The following SYT10 variants were observed in gnomAD, a reference collection of about 807,000 sequenced individuals.
SYT10 encodes the protein synaptotagmin 10.
SYT10 carries 31 observed loss-of-function variants against 51.1 expected under a neutral mutation model. The ratio of observed to expected loss-of-function variants is 0.61; its 90% CI spans 0.46 to 0.82. The LOEUF (loss-of-function observed/expected upper bound fraction) is 0.82, where lower values mean the gene tolerates loss of function less well. Ranked by LOEUF, SYT10 falls within the 40% of genes least tolerant of loss-of-function variation. The pLI, the probability that SYT10 is intolerant of heterozygous loss-of-function variation, is 0.00. For synonymous variants in SYT10, 233 were observed against 225.9 expected (o/e 1.03, Z -0.28); for missense variants, 603 against 634.0 (o/e 0.95, Z 0.53).
At chr12:33,409,169 A>G (rs1338107701) in intron 2 of SYT10, among the ~76,000 whole-genome samples, 2 of 152,202 alleles carry the variant, frequency 1.3e-5, no homozygotes, top group Non-Finnish European at 2.9e-5. Flanking sequence ...TAAGTAATAT[A>G]GATGACATTG....
chr12:33,413,626 T>C lies in SYT10; in HGVS notation c.510-6270A>G, dbSNP rs12821052. On this transcript the variant is annotated intron_variant, in intron 2 of 6. Transcript: ENST00000228567. ...AGAAATAAAATCCTTTACAGACAAG[T>C]AAATGCTGAGAGATTTTGTCACCAC... is the stretch of plus-strand genomic sequence containing the variant. Among the ~76,000 whole-genome samples, 300 of 152,182 alleles carry C rather than the reference T, an allele frequency of 2.0e-3. 2 individuals are homozygous for C. The East Asian group carries it at 0.021, about 10-fold the overall frequency.
chr12:33,438,221 A>G (rs777624633), intron 1 of SYT10, among the ~76,000 whole-genome samples: 2 of 152,168 alleles, frequency 1.3e-5, no homozygotes, highest in African/African-American at 4.8e-5. Context: ...TTGGCTGTCC[A>G]GCTCTTGTTG....
chr12:33,392,319 AG>A (rs1866214648), intron 3 of SYT10, among the ~76,000 whole-genome samples: 1 of 152,148 alleles, frequency 6.6e-6, no homozygotes, highest in Admixed American at 6.5e-5. Flanking sequence ...GGCAAATGGG[AG>A]GGAGGAAGAA....
At chr12:33,399,079 C>T (rs1272868785) in intron 3 of SYT10, among the ~76,000 whole-genome samples, 2 of 152,112 alleles carry the variant, frequency 1.3e-5, no homozygotes, top group African/African-American at 2.4e-5. Context: ...CCAGTACAAC[C>T]ATGTAGGAAT....
intron 3 of SYT10, chr12:33,405,117 C>CT (rs1866341721): frequency 6.6e-6 from 1 of 152,044 alleles, no homozygotes; most frequent in African/African-American, 2.4e-5. Context: ...ACATAACATA[C>CT]TTTACTTTTT....
At chr12:33,389,998 C>T (rs1866189725) in intron 3 of SYT10, among the ~76,000 whole-genome samples, 2 of 152,330 alleles carry the variant, frequency 1.3e-5, no homozygotes, top group East Asian at 3.9e-4. Context: ...CTTGGTATAA[C>T]ATGAGGTGCT....
At position 33,386,510 on chromosome 12, in the gene SYT10, G is replaced by A. The variant is rs576340191; in HGVS notation, c.1078-1219C>T. Among the ~76,000 whole-genome samples, 11 of 151,408 alleles carry A rather than the reference G, an allele frequency of 7.3e-5. 1 individual carries two copies. Among genetic ancestry groups the A allele is most frequent in the African/African-American group, 2.7e-4 (11 of 41,292 alleles). The stretch of plus-strand genomic sequence containing the variant: ...GTGTGTTTTTTTTTCCCTTTGACTA[G>A]TACTTCTTTCTCTTAAATCTTTATA... On this transcript the variant is annotated intron_variant, in intron 3 of 6. Transcript: ENST00000228567.
chr12:33,398,385 C>T (rs1473673279), intron 3 of SYT10, among the ~76,000 whole-genome samples: 9 of 151,736 alleles, frequency 5.9e-5, no homozygotes, highest in South Asian at 2.1e-4. Flanking sequence ...TGGTGGTGGG[C>T]GCCTGTAGTC....
intron 1 of SYT10, among the ~76,000 whole-genome samples, chr12:33,427,110 T>A (rs1866559663): frequency 6.6e-6 from 1 of 152,150 alleles, no homozygotes; most frequent in Admixed American, 6.5e-5. Context: ...ATGGCCTGAA[T>A]TTTTGTATCA....
At chr12:33,430,384 C>T (rs1009302580) in intron 1 of SYT10, among the ~76,000 whole-genome samples, 3 of 152,166 alleles carry the variant, frequency 2.0e-5, no homozygotes, top group African/African-American at 7.2e-5. Flanking sequence ...CAGAACTTTG[C>T]TAAAGTCTGT....
Position 33,437,792 on chromosome 12 carries a change from T to G in SYT10, c.151+1580A>C, listed in dbSNP as rs75583656. ...AGAGGACTCTGAGGTCACACTATTC[T>G]GGTCTTTACCTCATACTTAGCAACG... On this transcript the variant is annotated intron_variant, in intron 1 of 6. Transcript: ENST00000228567. 4.2e-3 allele frequency among the ~76,000 whole-genome samples: 637 copies of G among 152,250 alleles called. 1 individual carries two copies. The highest frequency in any genetic ancestry group is 7.8e-3 in the Non-Finnish European group (528 of 68,002).
At chr12:33,382,303 A>G (rs540837592) in intron 5 of SYT10, 46 bp downstream of exon 5, 17 of 1,443,284 alleles carry the variant, frequency 1.2e-5, no homozygotes, top group Admixed American at 1.0e-4. Context: ...TGGCCTGCGC[A>G]TGACTAGACA....
At chr12:33,411,193 T>G (rs1866401555) in intron 2 of SYT10, among the ~76,000 whole-genome samples, 1 of 152,204 alleles carries the variant, frequency 6.6e-6, no homozygotes, top group African/African-American at 2.4e-5. Context: ...ATTAAATTAC[T>G]TCAAAAATCA....
chr12:33,429,426 A>G (rs2138435911), intron 1 of SYT10, among the ~76,000 whole-genome samples: 1 of 152,354 alleles, frequency 6.6e-6, no homozygotes, highest in East Asian at 1.9e-4. Flanking sequence ...AAACTTGAAT[A>G]GGAAAACATT....
intron 3 of SYT10, among the ~76,000 whole-genome samples, chr12:33,391,956 G>A (rs1237146201): frequency 2.6e-5 from 4 of 152,164 alleles, no homozygotes; most frequent in African/African-American, 9.7e-5. Context: ...CACTTTTTAC[G>A]GGTGTTGTGG....
At chr12:33,413,240 C>T (rs1019001926) in intron 2 of SYT10, among the ~76,000 whole-genome samples, 1 of 152,118 alleles carries the variant, frequency 6.6e-6, no homozygotes, top group African/African-American at 2.4e-5. Context: ...GAGAATGGAA[C>T]CAAGTTGGAA....
At position 33,385,309 on chromosome 12, in the gene SYT10, A is replaced by G; in HGVS notation, c.1078-18T>C. ...ATACTTTCCTAGAAAGGCAATCGGC[A>G]TGTTAGCAATTTCAAACATTGAAGG... On this transcript the variant is annotated intron_variant, in intron 3 of 6. Transcript: ENST00000228567. 1 of 1,611,356 alleles carries G rather than the reference A, an allele frequency of 6.2e-7. No individual in the cohort carries two copies.
chr12:33,406,702 G>C, intron 3 of SYT10, 87 bp downstream of exon 3: 1 of 1,146,234 alleles, frequency 8.7e-7, no homozygotes, highest in South Asian at 1.6e-5. Context: ...AACTCTGCAA[G>C]GCTTATTCCG....
intron 3 of SYT10, among the ~76,000 whole-genome samples, chr12:33,390,041 A>G (rs1396932679): frequency 6.6e-6 from 1 of 152,228 alleles, no homozygotes; most frequent in African/African-American, 2.4e-5. Context: ...TTCCAGCTCT[A>G]AAATTTTGTA....
Sources: gnomAD v4.1 joint callset for allele counts (sites outside exome capture counted in the v4.1 genomes callset) on GRCh38, gnomAD v4.1.1 for gene constraint, MANE v1.5 for transcripts, NCBI Gene and HGNC (gene_info 2026-07-23, HGNC 2026-07-21) for gene names.